The following LARGE1 variants were observed in gnomAD, a reference collection of about 807,000 sequenced individuals.
LARGE1 encodes LARGE xylosyl- and glucuronyltransferase 1, also known as xylosyl- and glucuronyltransferase LARGE1.
Under a neutral mutation model 87.6 loss-of-function variants are expected in LARGE1, and 43 were observed. The observed-to-expected ratio is 0.49, with a 90% CI of 0.38 to 0.63. The LOEUF (loss-of-function observed/expected upper bound fraction) is 0.63. Ranked by LOEUF, LARGE1 falls within the 30% of genes least tolerant of loss-of-function variation. The pLI is 0.00. For synonymous variants in LARGE1, 434 were observed against 394.6 expected (o/e 1.10, Z -1.18); for missense variants, 802 against 1,000.2 (o/e 0.80, Z 2.67).
At chr22:33,303,949 C>T (rs1192589533) in intron 12 of LARGE1, among the ~76,000 whole-genome samples, 2 of 152,190 alleles carry the variant, frequency 1.3e-5, no homozygotes, top group South Asian at 2.1e-4. Context: ...TTCATAGATG[C>T]TACAGAAAAA....
chr22:33,870,199 G>A (rs938917653), intron 1 of LARGE1, among the ~76,000 whole-genome samples: 5 of 152,132 alleles, frequency 3.3e-5, no homozygotes, highest in African/African-American at 9.7e-5. Context: ...TTAGAGGGAC[G>A]CATCTACCAG....
intron 6 of LARGE1, among the ~76,000 whole-genome samples, chr22:33,469,622 C>T (rs750101314): frequency 2.0e-5 from 3 of 151,848 alleles, no homozygotes; most frequent in South Asian, 2.1e-4. Flanking sequence ...GTCAGGAGTT[C>T]GAGACCAGTC....
intron 11 of LARGE1, among the ~76,000 whole-genome samples, chr22:33,239,248 A>G (rs1926391156): frequency 6.6e-6 from 1 of 152,144 alleles, no homozygotes; most frequent in Non-Finnish European, 1.5e-5. Context: ...ATCAAAGGGT[A>G]TATACACAGT....
At chr22:33,692,354 A>G (rs2082121141) in intron 2 of LARGE1, among the ~76,000 whole-genome samples, 1 of 152,314 alleles carries the variant, frequency 6.6e-6, no homozygotes, top group Admixed American at 6.5e-5. Flanking sequence ...TCTGTCACCC[A>G]GGCTGGAGTG....
chr22:33,702,986 G>C (rs1026217032), intron 2 of LARGE1, among the ~76,000 whole-genome samples: 2 of 152,174 alleles, frequency 1.3e-5, no homozygotes, highest in Non-Finnish European at 2.9e-5. Flanking sequence ...AGGTGTTCCA[G>C]GAAGTGCAAA....
At chr22:33,141,859 T>C in the LARGE1 span, among the ~76,000 whole-genome samples, 3 of 152,212 alleles carry the variant, frequency 2.0e-5, no homozygotes, top group Admixed American at 1.3e-4. Context: ...TGACTACTTT[T>C]ACTCCCTGCA....
At chr22:33,104,580 G>T in the LARGE1 span, among the ~76,000 whole-genome samples, 8 of 152,218 alleles carry the variant, frequency 5.3e-5, no homozygotes, top group Admixed American at 6.5e-5. Flanking sequence ...GCACAACTGT[G>T]TGAGCAGAAA....
At chr22:33,705,463 G>A (rs2082533355) in intron 2 of LARGE1, among the ~76,000 whole-genome samples, 1 of 152,214 alleles carries the variant, frequency 6.6e-6, no homozygotes, top group Non-Finnish European at 1.5e-5. Context: ...AGATAAGACA[G>A]CACTGCTCAC....
intron 5 of LARGE1, among the ~76,000 whole-genome samples, chr22:33,576,664 C>A (rs998367802): frequency 1.3e-5 from 2 of 152,106 alleles, no homozygotes; most frequent in Non-Finnish European, 2.9e-5. Context: ...TGTATACATA[C>A]CCTCTCTATC....
chr22:33,527,800 T>C (rs956732178), intron 6 of LARGE1, among the ~76,000 whole-genome samples: 7 of 152,006 alleles, frequency 4.6e-5, no homozygotes, highest in Non-Finnish European at 8.8e-5. Context: ...CAGGAGACAG[T>C]GGAGGAGGTG....
At chr22:33,502,758 A>G (rs549659955) in intron 6 of LARGE1, among the ~76,000 whole-genome samples, 6 of 152,126 alleles carry the variant, frequency 3.9e-5, no homozygotes, top group Middle Eastern at 3.4e-3. Context: ...TAGTAGAGAC[A>G]AGGTTTCACC....
intron 11 of LARGE1, among the ~76,000 whole-genome samples, chr22:33,310,758 C>T (rs58468064): frequency 0.013 from 1,904 of 152,142 alleles, 30 homozygotes; most frequent in African/African-American, 0.042. Context: ...CCTGCAGTGC[C>T]GCTTTATAAT....
chr22:33,692,681 T>C (rs1053300586), intron 2 of LARGE1, among the ~76,000 whole-genome samples: 3 of 152,224 alleles, frequency 2.0e-5, no homozygotes, highest in African/African-American at 7.2e-5. Context: ...TATATATCAT[T>C]CTGACTTTCT....
At chr22:33,510,369 T>C (rs2070999016) in intron 6 of LARGE1, among the ~76,000 whole-genome samples, 1 of 152,186 alleles carries the variant, frequency 6.6e-6, no homozygotes, top group Non-Finnish European at 1.5e-5. Flanking sequence ...ATGAGGAAAT[T>C]CAGCCATAGA....
At chr22:33,081,699 T>G in the LARGE1 span, among the ~76,000 whole-genome samples, 1 of 152,078 alleles carries the variant, frequency 6.6e-6, no homozygotes, top group Non-Finnish European at 1.5e-5. Context: ...ATACCAGAGG[T>G]TTTGTAGCCT....
intron 2 of LARGE1, among the ~76,000 whole-genome samples, chr22:33,712,575 G>A (rs565353455): frequency 6.6e-6 from 1 of 151,930 alleles, no homozygotes; most frequent in Admixed American, 6.6e-5. Flanking sequence ...GAAAGAAATG[G>A]GTAGAGAAGT....
chr22:33,650,564 CG>C lies in LARGE1; in HGVS notation c.210del (p.Glu71ArgfsTer152). 2 of 1,607,982 alleles carry C rather than the reference CG, an allele frequency of 1.2e-6. No homozygotes were observed. The highest frequency in any genetic ancestry group is 1.7e-6 in the Non-Finnish European group (2 of 1,179,918). On this transcript the variant is annotated frameshift_variant, in exon 3 of 15. Transcript: ENST00000397394. LOFTEE classifies it high-confidence loss of function. The part of the protein sequence containing the change: ...RERESLEVRM[R>X]EVEEENRALR... ...AGGGCGCGGTTCTCCTCCTCCACCT[CG>C]CGCATGCGCACCTCCAGGCTCTCGC...
intron 1 of LARGE1, among the ~76,000 whole-genome samples, chr22:33,909,505 C>T (rs2065559305): frequency 6.6e-6 from 1 of 151,370 alleles, no homozygotes; most frequent in Admixed American, 6.6e-5. Context: ...GCCCCTAACT[C>T]ACCAACTTCT....
the LARGE1 span, among the ~76,000 whole-genome samples, chr22:33,115,307 A>G: frequency 6.6e-6 from 1 of 152,132 alleles, no homozygotes; most frequent in Non-Finnish European, 1.5e-5. Flanking sequence ...GGCCGGGCAC[A>G]GTGGCTCACG....
Sources: allele counts gnomAD v4.1 joint callset (sites outside exome capture counted in the v4.1 genomes callset), GRCh38; gene constraint gnomAD v4.1.1; transcripts MANE v1.5; gene names NCBI Gene and HGNC (gene_info 2026-07-23, HGNC 2026-07-21).